The following NCKAP5 variants were observed in gnomAD, a reference collection of about 807,000 sequenced individuals.
The protein encoded by NCKAP5 is nck-associated protein 5.
In NCKAP5, 92 loss-of-function variants were observed where a neutral mutation model predicts 167.0. That is an observed-to-expected ratio of 0.55 (90% CI 0.47 to 0.66). NCKAP5 has a LOEUF of 0.66. NCKAP5 is among the 30% of genes least tolerant of loss of function. NCKAP5 has a pLI of 0.00. For missense variants in NCKAP5, 2,378 were observed against 2,315.0 expected, an observed-to-expected ratio of 1.03 and a Z score of -0.56; for synonymous variants, 891 against 877.4, an observed-to-expected ratio of 1.02 and a Z score of -0.27.
rs1000839428 is a variant in NCKAP5 at position 133,467,198 on chromosome 2, T to A, written c.69+50260A>T. On this transcript the variant is annotated intron_variant, in intron 3 of 19. Coordinates refer to ENST00000409261, the MANE Select transcript of NCKAP5 (RefSeq NM_207363.3). ...AAATACGTCCCATCAATACCTAATT[T>A]ATTGAGAGTTTTTAGCATGAAGGGT... is the stretch of plus-strand genomic sequence containing the variant. Among the ~76,000 whole-genome samples, 34 of 151,246 alleles carry A rather than the reference T, an allele frequency of 2.2e-4. No homozygotes were observed. In the East Asian group the frequency reaches 3.3e-3, roughly 15 times the overall value.
At chr2:133,303,865 A>G (rs1314652855) in intron 3 of NCKAP5, among the ~76,000 whole-genome samples, 1 of 152,198 alleles carries the variant, frequency 6.6e-6, no homozygotes, top group African/African-American at 2.4e-5. Context: ...TCTGCATACG[A>G]GGCTCATATG....
chr2:133,522,145 C>T (rs1172501183), intron 2 of NCKAP5, among the ~76,000 whole-genome samples: 1 of 152,150 alleles, frequency 6.6e-6, no homozygotes, highest in East Asian at 1.9e-4. Flanking sequence ...AAGAAGAAGC[C>T]ATTCTGCTTC....
intron 11 of NCKAP5, among the ~76,000 whole-genome samples, chr2:132,838,739 C>T (rs1211778343): frequency 6.6e-6 from 1 of 152,182 alleles, no homozygotes; most frequent in Non-Finnish European, 1.5e-5. Context: ...TTCTATGGCA[C>T]AAAGTCCCGG....
intron 3 of NCKAP5, among the ~76,000 whole-genome samples, chr2:133,513,654 C>T (rs1683695311): frequency 6.6e-6 from 1 of 152,172 alleles, no homozygotes; most frequent in Non-Finnish European, 1.5e-5. Context: ...AGGTTGAATT[C>T]AGGGATGTGT....
At chr2:133,539,965 G>C (rs144183985) in intron 2 of NCKAP5, among the ~76,000 whole-genome samples, 1 of 152,174 alleles carries the variant, frequency 6.6e-6, no homozygotes, top group Admixed American at 6.5e-5. Flanking sequence ...CAGATCATGA[G>C]GTCAGGAGAT....
chr2:133,539,192 G>A (rs778669381), intron 2 of NCKAP5, among the ~76,000 whole-genome samples: 8 of 151,826 alleles, frequency 5.3e-5, no homozygotes, highest in Admixed American at 1.3e-4. Flanking sequence ...CACCTGCCTC[G>A]GCCTCCCAAA....
chr2:132,707,049 A>G (rs1043504312), intron 19 of NCKAP5, among the ~76,000 whole-genome samples: 1 of 152,222 alleles, frequency 6.6e-6, no homozygotes, highest in African/African-American at 2.4e-5. Flanking sequence ...CATCTTTGTA[A>G]GAACTAAAAA....
At chr2:132,800,927 C>T (rs1362550979) in intron 11 of NCKAP5, among the ~76,000 whole-genome samples, 1 of 152,188 alleles carries the variant, frequency 6.6e-6, no homozygotes, top group East Asian at 1.9e-4. Context: ...TGTCACGAAA[C>T]CTCGGGAACC....
the NCKAP5 span, among the ~76,000 whole-genome samples, chr2:133,657,502 C>G: frequency 6.6e-6 from 1 of 152,206 alleles, no homozygotes; most frequent in East Asian, 1.9e-4. Flanking sequence ...CCTCCTGTTC[C>G]TTAGGAAAAC....
At chr2:132,994,991 T>C (rs904213059) in intron 6 of NCKAP5, among the ~76,000 whole-genome samples, 4 of 152,086 alleles carry the variant, frequency 2.6e-5, no homozygotes, top group African/African-American at 9.7e-5. Flanking sequence ...AAATACCATA[T>C]AAAAGACTTA....
chr2:133,082,602 G>A (rs2149597169), intron 6 of NCKAP5, among the ~76,000 whole-genome samples: 1 of 152,226 alleles, frequency 6.6e-6, no homozygotes, highest in East Asian at 1.9e-4. Flanking sequence ...CCATGTTGAA[G>A]CTCAGCTGGG....
chr2:132,863,116 G>T (rs191285332), intron 10 of NCKAP5, among the ~76,000 whole-genome samples: 1 of 152,094 alleles, frequency 6.6e-6, no homozygotes, highest in Non-Finnish European at 1.5e-5. Context: ...CACCATGCCC[G>T]GCAAAACTTG....
intron 3 of NCKAP5, among the ~76,000 whole-genome samples, chr2:133,427,691 G>A (rs929369141): frequency 8.6e-5 from 13 of 151,962 alleles, no homozygotes; most frequent in African/African-American, 3.1e-4. Context: ...TGCAATGTGA[G>A]AAAATCACAT....
chr2:133,191,523 G>A (rs978126834), intron 5 of NCKAP5, among the ~76,000 whole-genome samples: 1 of 152,130 alleles, frequency 6.6e-6, no homozygotes, highest in African/African-American at 2.4e-5. Flanking sequence ...CAACCTAAAT[G>A]TCCATGAATG....
In NCKAP5 at chr2:132,782,695, G is replaced by T. The variant is rs759881752; in HGVS notation, c.4116C>A (p.Ile1372=). The T allele has an allele frequency of 3.1e-6, 5 of 1,613,922 alleles. No individual in the cohort carries two copies. Among genetic ancestry groups the T allele is most frequent in the Non-Finnish European group, 4.2e-6 (5 of 1,179,860 alleles). Residue 1372 remains isoleucine (I), a synonymous_variant, in exon 14 of 20, where the codon ATC becomes ATA. Coordinates refer to ENST00000409261, the MANE Select transcript of NCKAP5 (RefSeq NM_207363.3). ...TGAGGAGTCCCTCAGACTTTGGAGG[G>T]ATCCTCAAAGGCAACTTACTTGGGC... ...HGSPSKLPLR[I]PPKSEGLLIP...
intron 4 of NCKAP5, among the ~76,000 whole-genome samples, chr2:133,239,310 A>T (rs2087569474): frequency 6.6e-6 from 1 of 152,220 alleles, no homozygotes; most frequent in Non-Finnish European, 1.5e-5. Context: ...TGCAAAATAC[A>T]GCAAAACTCC....
the NCKAP5 span, among the ~76,000 whole-genome samples, chr2:133,647,698 G>GGA: frequency 4.2e-3 from 206 of 49,480 alleles, no homozygotes; most frequent in African/African-American, 0.021. Flanking sequence ...AAGGAAGAAA[G>GGA]AAGGAAAGAA....
At chr2:133,340,547 C>T (rs745707592) in intron 3 of NCKAP5, among the ~76,000 whole-genome samples, 6 of 152,140 alleles carry the variant, frequency 3.9e-5, no homozygotes, top group Non-Finnish European at 7.4e-5. Context: ...ACAACAGTGG[C>T]TCTGGATACC....
intron 3 of NCKAP5, among the ~76,000 whole-genome samples, chr2:133,333,195 T>C (rs1682982140): frequency 6.6e-6 from 1 of 152,088 alleles, no homozygotes; most frequent in African/African-American, 2.4e-5. Context: ...GCTCCTAGAG[T>C]TTCATAGGAG....
Sources: gnomAD v4.1 joint callset for allele counts (sites outside exome capture counted in the v4.1 genomes callset) on GRCh38, gnomAD v4.1.1 for gene constraint, MANE v1.5 for transcripts, NCBI Gene and HGNC (gene_info 2026-07-23, HGNC 2026-07-21) for gene names.